The following ACAP2 variants were observed in gnomAD, a reference collection of about 807,000 sequenced individuals.
ACAP2 encodes arf-GAP with coiled-coil, ANK repeat and PH domain-containing protein 2.
A neutral mutation model predicts 115.8 loss-of-function variants in ACAP2; 39 were observed. That is an observed-to-expected ratio of 0.34 (90% confidence interval 0.26 to 0.44). The LOEUF is 0.44. Among genes scored for constraint, ACAP2 ranks in the 20% least tolerant of loss-of-function variants. The pLI, the probability that ACAP2 is intolerant of heterozygous loss-of-function variation, is 1.00. For missense variants in ACAP2, 662 were observed against 927.6 expected (o/e 0.71, Z 3.72); for synonymous variants, 289 against 315.8 (o/e 0.92, Z 0.90).
chr3:195,316,546 C>T (rs896129434), intron 10 of ACAP2, among the ~76,000 whole-genome samples: 17 of 151,986 alleles, frequency 1.1e-4, no homozygotes, highest in South Asian at 2.1e-4. Flanking sequence ...TACAGGCATG[C>T]GCCACCACGT....
chr3:195,343,580 C>T (rs1413968032), intron 5 of ACAP2, among the ~76,000 whole-genome samples: 1 of 152,162 alleles, frequency 6.6e-6, no homozygotes, highest in Admixed American at 6.5e-5. Context: ...GCACATGCCA[C>T]CACACAAGGC....
intron 1 of ACAP2, among the ~76,000 whole-genome samples, chr3:195,394,797 G>A (rs1026914501): frequency 3.9e-5 from 6 of 152,226 alleles, no homozygotes; most frequent in Admixed American, 1.3e-4. Context: ...TGTGGATTCT[G>A]AGGCAGGAGG....
chr3:195,389,074 A>G (rs1441579609), intron 2 of ACAP2, among the ~76,000 whole-genome samples: 1 of 152,046 alleles, frequency 6.6e-6, no homozygotes, highest in Non-Finnish European at 1.5e-5. Context: ...TGGAAGAGGT[A>G]CGAAATATAA....
At chr3:195,395,622 C>T (rs1711696389) in intron 1 of ACAP2, among the ~76,000 whole-genome samples, 1 of 152,232 alleles carries the variant, frequency 6.6e-6, no homozygotes, top group South Asian at 2.1e-4. Context: ...ATGGCAGCTT[C>T]CACGCCATGA....
intron 4 of ACAP2, among the ~76,000 whole-genome samples, chr3:195,359,507 A>G (rs1208272319): frequency 1.3e-5 from 2 of 152,184 alleles, no homozygotes; most frequent in Admixed American, 6.5e-5. Context: ...TCGCTCTGTC[A>G]CCCAGGCTGG....
chr3:195,430,952 G>T (rs1203735728), intron 1 of ACAP2, among the ~76,000 whole-genome samples: 1 of 152,058 alleles, frequency 6.6e-6, no homozygotes, highest in Admixed American at 6.6e-5. Flanking sequence ...GTGGGTTTTA[G>T]TATATTTAGA....
Position 195,295,629 on chromosome 3 carries a change from T to C in ACAP2, c.1672+79A>G, listed in dbSNP as rs1015187333. On this transcript the variant is annotated intron_variant, in intron 17 of 22. Coordinates refer to ENST00000326793, the MANE Select transcript of ACAP2 (RefSeq NM_012287.6). ...TTTTTAACATTAAAAAAAACGACAA[T>C]GGCTATTAGTTCAGGGATTATAAAA... 87 of 1,471,238 alleles carry C rather than the reference T, an allele frequency of 5.9e-5. No individual in the cohort carries two copies. In the Middle Eastern group the frequency reaches 1.1e-3, roughly 18 times the overall value. 91.1% of individuals were successfully genotyped at this position (1,471,238 alleles called of 1,614,324 possible). A position where few individuals can be genotyped will look rare whatever the true frequency, so the allele number is the denominator to read the frequency against.
chr3:195,279,715 G>A (rs991438105), intron 22 of ACAP2: 15 of 202,574 alleles, frequency 7.4e-5, no homozygotes, highest in Middle Eastern at 1.8e-3. Context: ...AAAGAAATAC[G>A]TTTATTAACA....
chr3:195,418,095 T>G (rs1240722090), intron 1 of ACAP2, among the ~76,000 whole-genome samples: 3 of 152,186 alleles, frequency 2.0e-5, no homozygotes, highest in African/African-American at 7.2e-5. Context: ...TTTCCTGCAT[T>G]TGGGCCTTTG....
rs542886804 is a variant in ACAP2, at chr3:195,416,303, G to A, written c.54-24156C>T. Among the ~76,000 whole-genome samples, 7 of 150,822 alleles carry A rather than the reference G, an allele frequency of 4.6e-5. No homozygotes were observed. The South Asian group carries it at 6.3e-4, about 14-fold the overall frequency. ...GGAGGCTGCAGTGAGCCAAGACTGC[G>A]CTATTGCACTCTGGCCTGGTGACAG... On this transcript the variant is annotated intron_variant, in intron 1 of 22. Transcript: ENST00000326793.
rs764876648 is a variant in ACAP2 at position 195,342,597 on chromosome 3, T to C, written c.402A>G (p.Lys134=). Reference sequence around the variant, plus strand: ...GGGCATTTTTTACTAACGCATTTTCTTTTTCTTCACTGACTTTTTCGAATT... The same window carrying C: ...GGGCATTTTTTACTAACGCATTTTCCTTTTCTTCACTGACTTTTTCGAATT... ...KKQFEKVSEE[K]ENALVKNAQV... Residue 134 remains lysine, a synonymous_variant, in exon 6 of 23, where the codon AAA becomes AAG. Transcript: ENST00000326793. The C allele has an allele frequency of 6.2e-7, 1 of 1,611,412 alleles. No individual in the cohort carries two copies. The highest frequency in any genetic ancestry group is 8.5e-7 in the Non-Finnish European group (1 of 1,179,340).
chr3:195,363,034 A>G (rs1018347323), intron 4 of ACAP2, among the ~76,000 whole-genome samples: 1 of 152,206 alleles, frequency 6.6e-6, no homozygotes, highest in African/African-American at 2.4e-5. Context: ...TTTGCAAATG[A>G]TATGACCCTA....
chr3:195,296,756 C>G (rs1001994864), intron 16 of ACAP2, among the ~76,000 whole-genome samples: 2 of 152,132 alleles, frequency 1.3e-5, no homozygotes, highest in African/African-American at 4.8e-5. Flanking sequence ...TTTAGTTCTT[C>G]AATATTATAA....
rs1173792688 is a variant in ACAP2 at position 195,404,141 on chromosome 3, G to A, written c.54-11994C>T. 2.6e-5 allele frequency among the ~76,000 whole-genome samples: 4 copies of A among 152,102 alleles called. No individual in the cohort carries two copies. The East Asian group carries it at 7.7e-4, about 29-fold the overall frequency. ...GAATCACTTGAGCCCAGGAGTTCAA[G>A]ACCAGCCTAGGCAACATACATACAT... On this transcript the variant is annotated intron_variant, in intron 1 of 22. Coordinates refer to ENST00000326793, the MANE Select transcript of ACAP2 (RefSeq NM_012287.6).
In ACAP2 at chr3:195,426,347, GAC is replaced by G. The variant is rs569391086; in HGVS notation, c.53+16446_53+16447del. ...ACATCCTGGGTTTCCAGGTGGAGAT[GAC>G]ACAATGCATCATCACCAATGAGTAT... On this transcript the variant is annotated intron_variant, in intron 1 of 22. Coordinates refer to ENST00000326793, the MANE Select transcript of ACAP2 (RefSeq NM_012287.6). 1.5e-3 allele frequency among the ~76,000 whole-genome samples: 232 copies of G among 152,272 alleles called. 2 individuals are homozygous for G. Among genetic ancestry groups the G allele is most frequent in the African/African-American group, 5.2e-3 (218 of 41,554 alleles).
At chr3:195,304,163 CAAAAAAAAAAAAA>C (rs56055597) in intron 13 of ACAP2, among the ~76,000 whole-genome samples, 40 of 63,270 alleles carry the variant, frequency 6.3e-4, no homozygotes, top group Middle Eastern at 0.026. Context: ...GACTCCATCT[CAAAAAAAAAAAAA>C]AAAAAAAAAA....
At chr3:195,383,428 A>T (rs1358444764) in intron 2 of ACAP2, among the ~76,000 whole-genome samples, 1 of 152,140 alleles carries the variant, frequency 6.6e-6, no homozygotes, top group Non-Finnish European at 1.5e-5. Context: ...GGGAAAAGTT[A>T]TCTGATAAAT....
intron 1 of ACAP2, among the ~76,000 whole-genome samples, chr3:195,395,254 T>A (rs921020189): frequency 1.3e-5 from 2 of 152,056 alleles, no homozygotes; most frequent in East Asian, 1.9e-4. Flanking sequence ...AAATTTAATT[T>A]AAAAAAATCA....
chr3:195,397,669 G>A (rs1711916638), intron 1 of ACAP2, among the ~76,000 whole-genome samples: 1 of 151,574 alleles, frequency 6.6e-6, no homozygotes. Context: ...GCTGTGTAAT[G>A]ATGAACAAGT....
Sources: gnomAD v4.1 joint callset for allele counts (sites outside exome capture counted in the v4.1 genomes callset) on GRCh38, gnomAD v4.1.1 for gene constraint, MANE v1.5 for transcripts, NCBI Gene and HGNC (gene_info 2026-07-23, HGNC 2026-07-21) for gene names.